The following MACROD2 variants were observed in gnomAD, a reference collection of about 807,000 sequenced individuals.
The protein encoded by MACROD2 is ADP-ribose glycohydrolase MACROD2.
Under a neutral mutation model 70.4 loss-of-function variants are expected in MACROD2, and 36 were observed. That is an observed-to-expected ratio of 0.51 (90% CI 0.39 to 0.68). The LOEUF (loss-of-function observed/expected upper bound fraction) is 0.68. Among genes scored for constraint, MACROD2 ranks in the 30% least tolerant of loss-of-function variants. The pLI, the probability that MACROD2 is intolerant of heterozygous loss-of-function variation, is 0.00. For synonymous variants in MACROD2, 172 were observed against 178.8 expected (o/e 0.96, Z 0.30); for missense variants, 496 against 538.4 (o/e 0.92, Z 0.78).
chr20:15,207,457 T>C (rs1226456034), intron 5 of MACROD2, among the ~76,000 whole-genome samples: 2 of 147,706 alleles, frequency 1.4e-5, no homozygotes, highest in East Asian at 2.0e-4. Context: ...TTTTTTTTTT[T>C]CAGAGATGGA....
At chr20:15,437,232 G>A (rs2046438753) in intron 7 of MACROD2, among the ~76,000 whole-genome samples, 1 of 152,144 alleles carries the variant, frequency 6.6e-6, no homozygotes, top group South Asian at 2.1e-4. Flanking sequence ...TCTGGACTAT[G>A]TTTTCTTCAG....
At chr20:15,009,541 A>G (rs1216565682) in intron 5 of MACROD2, among the ~76,000 whole-genome samples, 1 of 152,124 alleles carries the variant, frequency 6.6e-6, no homozygotes. Context: ...ATTATTCTTT[A>G]TTACCCAAAA....
intron 4 of MACROD2, among the ~76,000 whole-genome samples, chr20:14,645,114 C>T (rs1985312519): frequency 6.6e-6 from 1 of 152,034 alleles, no homozygotes; most frequent in Middle Eastern, 3.2e-3. Context: ...TTGTTCTCCC[C>T]TTCAGTGTTA....
chr20:16,029,130 T>C (rs926141878), intron 15 of MACROD2, among the ~76,000 whole-genome samples: 5 of 152,166 alleles, frequency 3.3e-5, no homozygotes, highest in Admixed American at 2.6e-4. Context: ...CTCTTCTTCT[T>C]TGCATAAGGC....
At chr20:15,620,838 GCAGACT>G (rs752607683) in intron 8 of MACROD2, among the ~76,000 whole-genome samples, 7 of 152,146 alleles carry the variant, frequency 4.6e-5, no homozygotes, top group Admixed American at 1.3e-4. Flanking sequence ...TAATGTCAGG[GCAGACT>G]CACACATAAC....
chr20:15,150,229 G>C (rs1362417074), intron 5 of MACROD2, among the ~76,000 whole-genome samples: 3 of 152,020 alleles, frequency 2.0e-5, no homozygotes, highest in Non-Finnish European at 4.4e-5. Context: ...TGCTGAGCCT[G>C]ATGGGTGTCA....
At chr20:15,028,811 C>A (rs2075252923) in intron 5 of MACROD2, among the ~76,000 whole-genome samples, 1 of 151,956 alleles carries the variant, frequency 6.6e-6, no homozygotes, top group Non-Finnish European at 1.5e-5. Context: ...AAGAGCATGG[C>A]ATTTAGAATA....
At chr20:15,408,168 G>A (rs561817569) in intron 6 of MACROD2, among the ~76,000 whole-genome samples, 5 of 152,250 alleles carry the variant, frequency 3.3e-5, no homozygotes, top group African/African-American at 1.2e-4. Flanking sequence ...GTTTTTTAAG[G>A]GGAATAAAAT....
intron 5 of MACROD2, among the ~76,000 whole-genome samples, chr20:14,719,106 C>G (rs754878502): frequency 1.4e-4 from 21 of 152,012 alleles, no homozygotes; most frequent in Admixed American, 3.3e-4. Context: ...GTGGTGTGCA[C>G]CTGTAGTCCC....
intron 2 of MACROD2, among the ~76,000 whole-genome samples, chr20:14,062,019 G>A (rs1366372212): frequency 6.6e-6 from 1 of 152,084 alleles, no homozygotes; most frequent in Admixed American, 6.6e-5. Context: ...CTATTTTAGA[G>A]ATTAAAGAAT....
chr20:14,448,060 G>A (rs2084203353), intron 3 of MACROD2, among the ~76,000 whole-genome samples: 1 of 150,940 alleles, frequency 6.6e-6, no homozygotes, highest in Admixed American at 6.6e-5. Context: ...CATCTGCGAG[G>A]CCAAGAGAGT....
chr20:14,794,759 G>C (rs1022302769), intron 5 of MACROD2, among the ~76,000 whole-genome samples: 1 of 152,116 alleles, frequency 6.6e-6, no homozygotes, highest in African/African-American at 2.4e-5. Flanking sequence ...GCCAGGCACT[G>C]AGGAATCAAA....
chr20:14,290,003 T>C (rs60877902), intron 3 of MACROD2, among the ~76,000 whole-genome samples: 134,364 of 152,004 alleles, frequency 0.88, 59,622 homozygotes, highest in Non-Finnish European at 0.92. Flanking sequence ...AACTTAACAG[T>C]TAAGTTAGGG....
intron 7 of MACROD2, among the ~76,000 whole-genome samples, chr20:15,463,778 A>G (rs2046849472): frequency 6.6e-6 from 1 of 152,140 alleles, no homozygotes; most frequent in African/African-American, 2.4e-5. Context: ...AACTTTAAAA[A>G]CTACTGTAAA....
At chr20:14,937,874 T>TAC (rs1159893237) in intron 5 of MACROD2, among the ~76,000 whole-genome samples, 2 of 152,122 alleles carry the variant, frequency 1.3e-5, no homozygotes, top group Non-Finnish European at 2.9e-5. Context: ...ACCACCAATC[T>TAC]ACTCTATCTT....
intron 5 of MACROD2, among the ~76,000 whole-genome samples, chr20:14,692,237 G>T (rs1250823393): frequency 1.3e-5 from 2 of 152,196 alleles, no homozygotes; most frequent in Non-Finnish European, 2.9e-5. Flanking sequence ...GTGCTCAAGT[G>T]TGAGGGCCAT....
At chr20:14,984,042 C>A (rs1465644334) in intron 5 of MACROD2, among the ~76,000 whole-genome samples, 1 of 152,124 alleles carries the variant, frequency 6.6e-6, no homozygotes, top group Admixed American at 6.5e-5. Context: ...AGGTTAGAAC[C>A]AGGGTAGAAG....
intron 5 of MACROD2, among the ~76,000 whole-genome samples, chr20:14,706,959 G>A (rs1229475074): frequency 4.6e-5 from 7 of 152,118 alleles, no homozygotes; most frequent in Non-Finnish European, 2.9e-5. Flanking sequence ...CAGAAAGCTA[G>A]GAGCTCAAAT....
chr20:14,930,953 C>T (rs181785032), intron 5 of MACROD2, among the ~76,000 whole-genome samples: 26 of 150,828 alleles, frequency 1.7e-4, no homozygotes, highest in African/African-American at 5.6e-4. Flanking sequence ...TCACTTGAGC[C>T]TAGGAATTCA....
Sources: gnomAD v4.1 joint callset for allele counts (sites outside exome capture counted in the v4.1 genomes callset) on GRCh38, gnomAD v4.1.1 for gene constraint, MANE v1.5 for transcripts, NCBI Gene and HGNC (gene_info 2026-07-23, HGNC 2026-07-21) for gene names.